ZNF609: variants seen among roughly 807,000 people sequenced by gnomAD.
ZNF609 encodes the protein zinc finger protein 609.
A neutral mutation model predicts 109.5 loss-of-function variants in ZNF609; 11 were observed. The ratio of observed to expected loss-of-function variants is 0.10; its 90% CI spans 0.06 to 0.17. The LOEUF is 0.17. ZNF609 is among the 10% of genes least tolerant of loss of function. The pLI is 1.00. For missense variants in ZNF609, 1,559 were observed against 1,772.4 expected (o/e 0.88, Z 2.16); for synonymous variants, 646 against 662.0 (o/e 0.98, Z 0.37).
At chr15:64,659,515 C>G (rs912645701) in intron 3 of ZNF609, among the ~76,000 whole-genome samples, 1 of 152,146 alleles carries the variant, frequency 6.6e-6, no homozygotes, top group African/African-American at 2.4e-5. Flanking sequence ...AAGACTACTG[C>G]AGAAGGCAGA....
At chr15:64,622,255 T>C (rs930557736) in intron 2 of ZNF609, among the ~76,000 whole-genome samples, 4 of 152,212 alleles carry the variant, frequency 2.6e-5, no homozygotes, top group African/African-American at 9.6e-5. Context: ...TTATTCCTTC[T>C]AGCCAAAGAT....
rs796158312 is a variant in ZNF609, at chr15:64,489,173, G to GTT, written c.-127-10110_-127-10109dup. Among the ~76,000 whole-genome samples, 13 of 144,474 alleles carry GTT rather than the reference G, an allele frequency of 9.0e-5. No homozygotes were observed. The East Asian group carries it at 1.4e-3, about 16-fold the overall frequency. 94.8% of individuals were successfully genotyped at this position (144,474 alleles called of 152,430 possible). A position where few individuals can be genotyped will look rare whatever the true frequency, so the allele number is the denominator to read the frequency against. ...GTTCTGTGTGCAAGCCTAGTTTTGT[G>GTT]TTTTTTTTTTTGTTTTTTTGTTTTT... On this transcript the variant is annotated intron_variant, in intron 1 of 9. Transcript: ENST00000326648.
intron 2 of ZNF609, among the ~76,000 whole-genome samples, chr15:64,573,029 C>G (rs1013825251): frequency 7.2e-5 from 11 of 152,198 alleles, no homozygotes; most frequent in African/African-American, 2.4e-4. Context: ...GCCAATTATA[C>G]AAGACATAAT....
chr15:64,518,261 C>T (rs1327381693), intron 2 of ZNF609, among the ~76,000 whole-genome samples: 1 of 152,190 alleles, frequency 6.6e-6, no homozygotes, highest in Non-Finnish European at 1.5e-5. Context: ...GATAGTTAAA[C>T]AGAGACCCAA....
chr15:64,515,938 CAAAAAA>C (rs57072582), intron 2 of ZNF609, among the ~76,000 whole-genome samples: 1 of 74,280 alleles, frequency 1.3e-5, no homozygotes, highest in African/African-American at 5.2e-5. Context: ...AACTCCGTCT[CAAAAAA>C]AAAAAAAAAA....
At chr15:64,472,297 C>T (rs550244162) in intron 1 of ZNF609, among the ~76,000 whole-genome samples, 2 of 152,316 alleles carry the variant, frequency 1.3e-5, no homozygotes, top group East Asian at 1.9e-4. Context: ...GTGGGTACCA[C>T]GAAACCTTTG....
chr15:64,491,224 A>G (rs557426683), intron 1 of ZNF609, among the ~76,000 whole-genome samples: 111 of 152,330 alleles, frequency 7.3e-4, no homozygotes, highest in African/African-American at 2.5e-3. Flanking sequence ...GCAAGCTCCC[A>G]TGAAGTGTGG....
chr15:64,596,536 G>C (rs1895401885), intron 2 of ZNF609, among the ~76,000 whole-genome samples: 1 of 152,094 alleles, frequency 6.6e-6, no homozygotes, highest in Non-Finnish European at 1.5e-5. Context: ...CACATGGATG[G>C]CTCCTTCTCA....
At chr15:64,585,018 A>T (rs1895173343) in intron 2 of ZNF609, among the ~76,000 whole-genome samples, 1 of 151,396 alleles carries the variant, frequency 6.6e-6, no homozygotes, top group Non-Finnish European at 1.5e-5. Context: ...AAGGTATTTG[A>T]AATGATGGGT....
chr15:64,473,466 G>A (rs149625582), intron 1 of ZNF609, among the ~76,000 whole-genome samples: 127 of 151,144 alleles, frequency 8.4e-4, no homozygotes, highest in Non-Finnish European at 1.2e-3. Flanking sequence ...CAAAGTGCTG[G>A]GATTACAGGC....
At chr15:64,629,055 C>A (rs1896021866) in intron 3 of ZNF609, among the ~76,000 whole-genome samples, 1 of 152,172 alleles carries the variant, frequency 6.6e-6, no homozygotes, top group African/African-American at 2.4e-5. Context: ...TCTCTTATTT[C>A]TTTATTCTTG....
intron 3 of ZNF609, among the ~76,000 whole-genome samples, chr15:64,653,544 G>A (rs1236896601): frequency 6.6e-6 from 1 of 152,188 alleles, no homozygotes; most frequent in Non-Finnish European, 1.5e-5. Context: ...TACTTGGGAG[G>A]CTGAGGCAGG....
At chr15:64,545,259 C>T (rs548924822) in intron 2 of ZNF609, among the ~76,000 whole-genome samples, 9 of 151,764 alleles carry the variant, frequency 5.9e-5, no homozygotes, top group African/African-American at 1.9e-4. Flanking sequence ...AGTGCAGTGG[C>T]GTGACCTTGG....
chr15:64,508,239 A>G (rs1448758261), intron 2 of ZNF609, among the ~76,000 whole-genome samples: 1 of 152,226 alleles, frequency 6.6e-6, no homozygotes, highest in Non-Finnish European at 1.5e-5. Context: ...TTGGTATTAC[A>G]AAGCAATCTA....
At position 64,591,709 on chromosome 15, in the gene ZNF609, T is replaced by C. The variant is rs116401797; in HGVS notation, c.748-31118T>C. 8.5e-3 allele frequency among the ~76,000 whole-genome samples: 1,284 copies of C among 151,882 alleles called. 20 individuals carry two copies. The highest frequency in any genetic ancestry group is 0.03 in the African/African-American group (1,234 of 41,406). ...GCCTAGGCAACATGGTGAGGTCCTA[T>C]CTCTACTAAAAATAATTTTTTTTTT... On this transcript the variant is annotated intron_variant, in intron 2 of 9. Transcript: ENST00000326648.
chr15:64,627,506 C>T (rs991983029), intron 3 of ZNF609, among the ~76,000 whole-genome samples: 16 of 152,058 alleles, frequency 1.1e-4, no homozygotes, highest in Admixed American at 9.8e-4. Context: ...GTGGAAGGAG[C>T]ACTGGAGTAA....
At chr15:64,582,540 T>C (rs1004261420) in intron 2 of ZNF609, among the ~76,000 whole-genome samples, 1 of 152,102 alleles carries the variant, frequency 6.6e-6, no homozygotes, top group African/African-American at 2.4e-5. Flanking sequence ...TTCGCTACAT[T>C]GTTAAATTTC....
At chr15:64,643,050 A>G (rs1896286450) in intron 3 of ZNF609, among the ~76,000 whole-genome samples, 1 of 152,106 alleles carries the variant, frequency 6.6e-6, no homozygotes, top group Admixed American at 6.6e-5. Context: ...AAATGCACAT[A>G]CTCTCTAATC....
chr15:64,500,100 A>C lies in ZNF609; in HGVS notation c.681A>C (p.Gly227=). 1 of 1,614,010 alleles carries C rather than the reference A, an allele frequency of 6.2e-7. No individual in the cohort carries two copies. Among genetic ancestry groups the C allele is most frequent in the Non-Finnish European group, 8.5e-7 (1 of 1,180,006 alleles). Reference sequence around the variant, plus strand: ...CTGGGGCAGCGCTCAATCCTTTGGGAACTAAACCGGAGCCAGAGGAAGGGG... The same window carrying C: ...CTGGGGCAGCGCTCAATCCTTTGGGCACTAAACCGGAGCCAGAGGAAGGGG... ...IEPGAALNPL[G]TKPEPEEGEN... The change falls in exon 2 of 10, where the codon GGA becomes GGC. Residue 227 remains glycine (G), a synonymous_variant. Transcript: ENST00000326648.
Sources: gnomAD v4.1 joint callset for allele counts (sites outside exome capture counted in the v4.1 genomes callset) on GRCh38, gnomAD v4.1.1 for gene constraint, MANE v1.5 for transcripts, NCBI Gene and HGNC (gene_info 2026-07-23, HGNC 2026-07-21) for gene names.